The following FAT3 variants were observed in gnomAD, a reference collection of about 807,000 sequenced individuals.
FAT3 encodes FAT atypical cadherin 3.
FAT3 carries 95 observed loss-of-function variants against 310.2 expected under a neutral mutation model. The ratio of observed to expected loss-of-function variants is 0.31; its 90% CI spans 0.26 to 0.36. The LOEUF (loss-of-function observed/expected upper bound fraction) is 0.36, where lower values mean the gene tolerates loss of function less well. Among genes scored for constraint, FAT3 ranks in the 10% least tolerant of loss-of-function variants. FAT3 has a pLI of 1.00. For synonymous variants in FAT3, 2,314 were observed against 2,192.9 expected, an observed-to-expected ratio of 1.06 and a Z score of -1.54; for missense variants, 5,408 against 5,715.6, an observed-to-expected ratio of 0.95 and a Z score of 1.74.
In FAT3 at chr11:92,280,650, C is replaced by T. The variant is rs577529050; in HGVS notation, c.-18+55476C>T. Among the ~76,000 whole-genome samples the T allele has an allele frequency of 8.5e-5, 13 of 152,298 alleles. No homozygotes were observed. The East Asian group carries it at 2.5e-3, about 29-fold the overall frequency. ...TAAAATATTTCAGAGGTCCTCATAA[C>T]TAACTCTGTGATCAGTTAGATCTCT... On this transcript the variant is annotated intron_variant, in intron 1 of 27. Coordinates refer to ENST00000525166, the MANE Select transcript of FAT3 (RefSeq NM_001367949.2).
At chr11:92,529,543 GTTTT>G (rs896233521) in intron 3 of FAT3, among the ~76,000 whole-genome samples, 5 of 150,928 alleles carry the variant, frequency 3.3e-5, no homozygotes, top group Non-Finnish European at 5.9e-5. Flanking sequence ...TTTTTGTTTT[GTTTT>G]TTTTGTTTGT....
intron 2 of FAT3, among the ~76,000 whole-genome samples, chr11:92,447,394 A>G (rs1951246582): frequency 1.3e-5 from 2 of 151,928 alleles, no homozygotes; most frequent in Admixed American, 6.6e-5. Context: ...GTAAGATGAG[A>G]ACAGTAATGC....
Position 92,237,489 on chromosome 11 carries a change from C to G in FAT3, c.-18+12315C>G, listed in dbSNP as rs760564490. Among the ~76,000 whole-genome samples the G allele has an allele frequency of 2.5e-4, 38 of 152,166 alleles. 1 individual carries two copies. Among genetic ancestry groups the G allele is most frequent in the Non-Finnish European group, 3.5e-4 (24 of 67,978 alleles). ...TATAACTTTTAATCATTATTAATAT[C>G]CCTGATGAGAACTAAATGTGGACCC... On this transcript the variant is annotated intron_variant, in intron 1 of 27. Transcript: ENST00000525166.
chr11:92,339,664 A>G (rs1267125233), intron 1 of FAT3, among the ~76,000 whole-genome samples: 1 of 152,146 alleles, frequency 6.6e-6, no homozygotes, highest in Non-Finnish European at 1.5e-5. Context: ...TGGAAGCTGC[A>G]GTGACTCTGT....
At chr11:92,454,874 G>A (rs770771185) in intron 2 of FAT3, among the ~76,000 whole-genome samples, 25 of 151,954 alleles carry the variant, frequency 1.6e-4, no homozygotes, top group Admixed American at 4.6e-4. Context: ...TATTTAATAG[G>A]CATCATCTGT....
At chr11:92,780,314 C>G (rs1946714304) in intron 7 of FAT3, among the ~76,000 whole-genome samples, 1 of 151,910 alleles carries the variant, frequency 6.6e-6, no homozygotes, top group Non-Finnish European at 1.5e-5. Flanking sequence ...AGGCATGTAC[C>G]ACCACACCCA....
intron 3 of FAT3, among the ~76,000 whole-genome samples, chr11:92,587,466 T>C (rs1016539291): frequency 4.6e-5 from 7 of 152,040 alleles, no homozygotes; most frequent in African/African-American, 1.7e-4. Flanking sequence ...AATGCACATA[T>C]TTTAGGCTTT....
chr11:92,260,632 C>T (rs1263371629), intron 1 of FAT3, among the ~76,000 whole-genome samples: 1 of 152,110 alleles, frequency 6.6e-6, no homozygotes, highest in African/African-American at 2.4e-5. Context: ...TAATTCAGGA[C>T]TCATGATGTA....
At chr11:92,345,942 G>A (rs1948405653) in intron 1 of FAT3, among the ~76,000 whole-genome samples, 1 of 152,106 alleles carries the variant, frequency 6.6e-6, no homozygotes, top group Non-Finnish European at 1.5e-5. Context: ...CTTTGGCTCA[G>A]TATTTCATTA....
chr11:92,433,612 A>G (rs2135039071), intron 2 of FAT3, among the ~76,000 whole-genome samples: 1 of 152,290 alleles, frequency 6.6e-6, no homozygotes, highest in South Asian at 2.1e-4. Context: ...TCAGTTGGAA[A>G]TGCAGAAATC....
At chr11:92,765,642 A>T (rs1390483281) in intron 6 of FAT3, among the ~76,000 whole-genome samples, 2 of 151,792 alleles carry the variant, frequency 1.3e-5, no homozygotes, top group African/African-American at 2.4e-5. Flanking sequence ...GTTTTTTTTT[A>T]AAGCAAATTG....
chr11:92,352,843 A>G lies in FAT3; in HGVS notation c.731A>G (p.Asn244Ser), dbSNP rs149587669. 4 of 1,613,956 alleles carry G rather than the reference A, an allele frequency of 2.5e-6. No individual in the cohort carries two copies. Among genetic ancestry groups the G allele is most frequent in the Non-Finnish European group, 3.4e-6 (4 of 1,179,888 alleles). ...CGGGGAATGAAACTGTATGGGAACA[A>G]TGGAGTGAGCAGTACTGCAAAGCTT... ...VDRGMKLYGN[N>S]GVSSTAKLYV... The change falls in exon 2 of 28, where the codon AAT becomes AGT. Residue 244 changes from asparagine (N) to serine (S), a missense_variant. Physicochemically the swap from Asn to Ser is conservative, Grantham distance 46. Transcript: ENST00000525166.
intron 13 of FAT3, among the ~76,000 whole-genome samples, chr11:92,830,159 A>G (rs1299874747): frequency 6.6e-6 from 1 of 152,200 alleles, no homozygotes; most frequent in Non-Finnish European, 1.5e-5. Context: ...TTCAGCCCAC[A>G]AAGCTGTTAC....
At position 92,225,058 on chromosome 11, in the gene FAT3, G is replaced by C. The variant is rs6483170; in HGVS notation, c.-134G>C. Among the ~76,000 whole-genome samples, 2 of 152,036 alleles carry C rather than the reference G, an allele frequency of 1.3e-5. No individual in the cohort carries two copies. Among genetic ancestry groups the C allele is most frequent in the Non-Finnish European group, 2.9e-5 (2 of 67,988 alleles). On this transcript the variant is annotated 5_prime_UTR_variant, in exon 1 of 28. Coordinates refer to ENST00000525166, the MANE Select transcript of FAT3 (RefSeq NM_001367949.2). ...CAGTCCCGGCTAGCGCGCGGTGGGC[G>C]CTGCGGCGGCAGCAGCCGGGGGACC...
At chr11:92,639,340 A>G (rs1941875839) in intron 3 of FAT3, among the ~76,000 whole-genome samples, 1 of 152,144 alleles carries the variant, frequency 6.6e-6, no homozygotes, top group South Asian at 2.1e-4. Flanking sequence ...TCTAAGTCTA[A>G]TAAATTATAC....
chr11:92,426,153 CAT>C (rs1244276000), intron 2 of FAT3, among the ~76,000 whole-genome samples: 5 of 152,036 alleles, frequency 3.3e-5, no homozygotes, highest in Admixed American at 2.0e-4. Context: ...ACCTTTTTTT[CAT>C]ATGTTTGTTG....
chr11:92,393,494 T>C (rs1949793612), intron 2 of FAT3, among the ~76,000 whole-genome samples: 2 of 152,142 alleles, frequency 1.3e-5, no homozygotes, highest in African/African-American at 4.8e-5. Context: ...TCAGCAGGAA[T>C]ACCAGCATCC....
At chr11:92,465,913 A>G (rs769297220) in intron 2 of FAT3, among the ~76,000 whole-genome samples, 1 of 152,194 alleles carries the variant, frequency 6.6e-6, no homozygotes, top group Non-Finnish European at 1.5e-5. Context: ...AAGATTGGAG[A>G]TAATTCCTAA....
intron 10 of FAT3, among the ~76,000 whole-genome samples, chr11:92,804,929 T>A (rs767488631): frequency 3.3e-5 from 5 of 152,224 alleles, no homozygotes; most frequent in Non-Finnish European, 5.9e-5. Flanking sequence ...TAAGTGGATT[T>A]TATTATCTTG....
Sources: gnomAD v4.1 joint callset for allele counts (sites outside exome capture counted in the v4.1 genomes callset) on GRCh38, gnomAD v4.1.1 for gene constraint, MANE v1.5 for transcripts, NCBI Gene and HGNC (gene_info 2026-07-23, HGNC 2026-07-21) for gene names.